PRDM10: variants seen among roughly 807,000 people sequenced by gnomAD.
The protein encoded by PRDM10 is PR/SET domain 10.
PRDM10 carries 65 observed loss-of-function variants against 133.1 expected under a neutral mutation model. The ratio of observed to expected loss-of-function variants is 0.49; its 90% CI spans 0.40 to 0.60. The LOEUF (loss-of-function observed/expected upper bound fraction) is 0.60, where lower values mean the gene tolerates loss of function less well. Ranked by LOEUF, PRDM10 falls within the 20% of genes least tolerant of loss-of-function variation. The probability of loss-of-function intolerance (pLI) is 0.00; values close to 1 mark genes in which losing one functional copy is unlikely to be tolerated. For synonymous variants in PRDM10, 582 were observed against 580.4 expected (o/e 1.00, Z -0.04); for missense variants, 1,137 against 1,507.1 (o/e 0.75, Z 4.07).
chr11:129,968,889 A>G (rs1478075659), intron 1 of PRDM10, among the ~76,000 whole-genome samples: 10 of 152,250 alleles, frequency 6.6e-5, no homozygotes, highest in Non-Finnish European at 2.9e-5. Context: ...ATGAGTGCAA[A>G]AAATCAAATC....
chr11:129,972,167 C>G (rs560022868), intron 1 of PRDM10, among the ~76,000 whole-genome samples: 1 of 152,218 alleles, frequency 6.6e-6, no homozygotes, highest in Non-Finnish European at 1.5e-5. Context: ...GGCCCGCAAG[C>G]GCCGCGCGCA....
chr11:129,922,966 A>G (rs1164779506), intron 13 of PRDM10, among the ~76,000 whole-genome samples: 2 of 152,222 alleles, frequency 1.3e-5, no homozygotes, highest in African/African-American at 4.8e-5. Context: ...GGAAATCTCA[A>G]TAGCGATTTA....
chr11:130,000,042 A>AT (rs955648260), intron 1 of PRDM10, among the ~76,000 whole-genome samples: 16,907 of 138,632 alleles, frequency 0.12, 1,178 homozygotes, highest in Admixed American at 0.15. Flanking sequence ...TCGCTTCTAA[A>AT]TTTTTTTTTT....
At chr11:129,922,785 T>C (rs886929470) in intron 13 of PRDM10, among the ~76,000 whole-genome samples, 2 of 152,232 alleles carry the variant, frequency 1.3e-5, no homozygotes, top group Non-Finnish European at 2.9e-5. Context: ...ATCTTTGAGG[T>C]CATTAACATT....
chr11:129,938,232 T>A (rs1218535793), intron 7 of PRDM10, among the ~76,000 whole-genome samples: 1 of 151,778 alleles, frequency 6.6e-6, no homozygotes, highest in Non-Finnish European at 1.5e-5. Flanking sequence ...CAACCAACTC[T>A]ATGCTAATGA....
intron 1 of PRDM10, among the ~76,000 whole-genome samples, chr11:130,001,391 G>A (rs1939366318): frequency 6.6e-6 from 1 of 152,188 alleles, no homozygotes; most frequent in Admixed American, 6.5e-5. Context: ...AAACAGTCAT[G>A]AGTGATTCTG....
rs770762846 is a variant in PRDM10, at chr11:129,918,566, C to T, written c.2187G>A (p.Met729Ile). Residue 729 changes from methionine to isoleucine, a missense_variant, in exon 14 of 21, where the codon ATG becomes ATA. By Grantham distance (10) the Met-to-Ile change is conservative. Coordinates refer to ENST00000360871, the MANE Select transcript of PRDM10 (RefSeq NM_199437.2). The surrounding 1 kb of genome is among the most constrained non-coding windows in gnomAD (Gnocchi z 5.3). ...DSFTFKCRLC[M>I]MGFRRRGMLV... ...GCATGCCGCGCCGCCGGAAGCCCAT[C>T]ATGCACAGGCGGCACTTGAACGTGA... 1.2e-6 allele frequency: 2 copies of T among 1,614,138 alleles called. No individual in the cohort carries two copies. Among genetic ancestry groups the T allele is most frequent in the East Asian group, 4.5e-5 (2 of 44,880 alleles).
At chr11:129,915,612 C>A in intron 16 of PRDM10, 48 bp downstream of exon 16, 1 of 1,515,210 alleles carries the variant, frequency 6.6e-7, no homozygotes, top group South Asian at 1.3e-5. Context: ...TTAAGAGATT[C>A]CTCGCATGGC....
rs1160631248 is a variant in PRDM10, at chr11:129,942,408, G to A, written c.966+18C>T. Reference sequence around the variant, plus strand: ...ACTCTTGCTAGCAAATAGCAGCACGGGTCAGGCAGCACTGTACCTTCAGTT... The same window carrying A: ...ACTCTTGCTAGCAAATAGCAGCACGAGTCAGGCAGCACTGTACCTTCAGTT... On this transcript the variant is annotated intron_variant, in intron 7 of 20. Transcript: ENST00000360871. The A allele has an allele frequency of 6.2e-7, 1 of 1,607,526 alleles. No individual in the cohort carries two copies. Among genetic ancestry groups the A allele is most frequent in the Non-Finnish European group, 8.5e-7 (1 of 1,175,024 alleles).
intron 1 of PRDM10, among the ~76,000 whole-genome samples, chr11:129,966,552 T>G (rs1333423858): frequency 6.6e-6 from 1 of 152,178 alleles, no homozygotes; most frequent in Non-Finnish European, 1.5e-5. Context: ...CACGATAACT[T>G]GGTATTAAAA....
chr11:129,998,384 A>AG (rs1939170149), intron 1 of PRDM10, among the ~76,000 whole-genome samples: 12 of 152,072 alleles, frequency 7.9e-5, no homozygotes, highest in Admixed American at 7.9e-4. Flanking sequence ...GTTAAAAAAA[A>AG]AGGGGGGGAG....
rs201678343 is a variant in PRDM10 at position 129,918,755 on chromosome 11, G to A, written c.2035-37C>T. On this transcript the variant is annotated intron_variant, in intron 13 of 20. Transcript: ENST00000360871. This position sits in a 1 kb window ranked among gnomAD's most constrained non-coding sequence, Gnocchi z 5.3. ...GTATTTTTGAAAACGGGGTAGACAC[G>A]GGGGTAGAAAATTTTTAACTGAAGG... The A allele has an allele frequency of 1.1e-4, 170 of 1,545,006 alleles. No homozygotes were observed. The highest frequency in any genetic ancestry group is 9.2e-4 in the Admixed American group (47 of 50,902).
intron 13 of PRDM10, among the ~76,000 whole-genome samples, chr11:129,919,851 C>G (rs187464455): frequency 1.0e-3 from 155 of 152,288 alleles, no homozygotes; most frequent in African/African-American, 3.5e-3. Flanking sequence ...GGGCCGAGCT[C>G]CAATGCTGGG....
At position 129,923,033 on chromosome 11, in the gene PRDM10, A is replaced by G. The variant is rs902512153; in HGVS notation, c.2034+215T>C. Among the ~76,000 whole-genome samples the G allele has an allele frequency of 6.6e-6, 1 of 152,162 alleles. No homozygotes were observed. Among genetic ancestry groups the G allele is most frequent in the Non-Finnish European group, 1.5e-5 (1 of 68,032 alleles). On this transcript the variant is annotated intron_variant, in intron 13 of 20. Coordinates refer to ENST00000360871, the MANE Select transcript of PRDM10 (RefSeq NM_199437.2). This position sits in a 1 kb window ranked among gnomAD's most constrained non-coding sequence, Gnocchi z 4.4. ...TTAGGAGATGATGCATTTTTACTCTACTTGTTTGGGGATTTGAATTAACTA... is the reference window on the plus strand; with the variant it reads ...TTAGGAGATGATGCATTTTTACTCTGCTTGTTTGGGGATTTGAATTAACTA...
intron 1 of PRDM10, among the ~76,000 whole-genome samples, chr11:129,966,237 T>G (rs1951905106): frequency 6.6e-6 from 1 of 152,106 alleles, no homozygotes; most frequent in Admixed American, 6.5e-5. Context: ...AGAGGGAGAC[T>G]CCATCTCAAA....
At chr11:129,924,653 T>C (rs1451311800) in intron 12 of PRDM10, among the ~76,000 whole-genome samples, 2 of 152,246 alleles carry the variant, frequency 1.3e-5, no homozygotes, top group Non-Finnish European at 2.9e-5. Flanking sequence ...TGGGTGTTTA[T>C]TACTTGTAAC....
intron 1 of PRDM10, among the ~76,000 whole-genome samples, chr11:129,980,050 T>C (rs1938018185): frequency 2.0e-5 from 3 of 152,202 alleles, no homozygotes; most frequent in African/African-American, 7.2e-5. Flanking sequence ...GTCACATAAG[T>C]GTGGCCAGGA....
intron 13 of PRDM10, among the ~76,000 whole-genome samples, chr11:129,920,335 A>G (rs1950486942): frequency 6.6e-6 from 1 of 152,042 alleles, no homozygotes; most frequent in Non-Finnish European, 1.5e-5. Flanking sequence ...CCTTCTGCCT[A>G]AGTCGTGCTT....
At chr11:129,978,887 C>T (rs966988206) in intron 1 of PRDM10, among the ~76,000 whole-genome samples, 2 of 152,158 alleles carry the variant, frequency 1.3e-5, no homozygotes, top group Non-Finnish European at 2.9e-5. Context: ...AAGACCGATC[C>T]TCCCATCCCA....
Sources: gnomAD v4.1 joint callset for allele counts (sites outside exome capture counted in the v4.1 genomes callset) on GRCh38, gnomAD v4.1.1 for gene constraint, Gnocchi (gnomAD v3.1) non-coding constraint, MANE v1.5 for transcripts, NCBI Gene and HGNC (gene_info 2026-07-23, HGNC 2026-07-21) for gene names.